The following KLHL30 variants were observed in gnomAD, a reference collection of about 807,000 sequenced individuals.
KLHL30 encodes the protein kelch like family member 30.
KLHL30 carries 55 observed loss-of-function variants against 55.0 expected under a neutral mutation model. The observed-to-expected ratio is 1.00, with a 90% CI of 0.80 to 1.25. The LOEUF is 1.25. Among genes scored for constraint, KLHL30 ranks in the 50% most tolerant of loss-of-function variants. The pLI is 0.00. For missense variants in KLHL30, 786 were observed against 811.6 expected (o/e 0.97, Z 0.38); for synonymous variants, 356 against 372.6 (o/e 0.96, Z 0.51).
At chr2:238,146,633 C>T (rs564179775) in intron 5 of KLHL30, among the ~76,000 whole-genome samples, 1 of 151,098 alleles carries the variant, frequency 6.6e-6, no homozygotes, top group African/African-American at 2.4e-5. Flanking sequence ...TCTCAAACTC[C>T]TGGGCTCAAG....
chr2:238,143,846 C>T (rs1010828691), intron 3 of KLHL30, among the ~76,000 whole-genome samples: 1 of 152,208 alleles, frequency 6.6e-6, no homozygotes, highest in East Asian at 1.9e-4. Context: ...GTGACAGAGC[C>T]ATGAGTCATG....
chr2:238,141,251 C>T lies in KLHL30; in HGVS notation c.497C>T (p.Ala166Val). The change falls in exon 2 of 8, where the codon GCA becomes GTA. Residue 166 changes from alanine to valine, a missense_variant. Coordinates refer to ENST00000409223, the MANE Select transcript of KLHL30 (RefSeq NM_198582.4). ...CTGCGAGAGAACTTTGAGGCTGTGG[C>T]ACGTGAGGACGAGTTCCTGCAGCTT... is the stretch of plus-strand genomic sequence containing the variant. Reference protein sequence around the residue: ...AFLRENFEAVAREDEFLQLPR... With the variant: ...AFLRENFEAVVREDEFLQLPR... The T allele has an allele frequency of 6.2e-7, 1 of 1,606,272 alleles. No individual in the cohort carries two copies.
chr2:238,139,416 G>T (rs1045135976), intron 1 of KLHL30, among the ~76,000 whole-genome samples: 7 of 152,340 alleles, frequency 4.6e-5, no homozygotes, highest in Admixed American at 1.3e-4. Flanking sequence ...TGCATGCAGT[G>T]TTGGGTGGGT....
intron 4 of KLHL30, among the ~76,000 whole-genome samples, chr2:238,145,453 C>T (rs967490923): frequency 4.6e-5 from 7 of 152,314 alleles, no homozygotes; most frequent in African/African-American, 1.2e-4. Context: ...TAAGCTTCTG[C>T]TGATGGGGGC....
chr2:238,140,168 C>T (rs1161404230), intron 1 of KLHL30, among the ~76,000 whole-genome samples: 1 of 152,250 alleles, frequency 6.6e-6, no homozygotes, highest in African/African-American at 2.4e-5. Context: ...ATTGCACCCA[C>T]CCTCCAGGAC....
At chr2:238,143,445 C>T (rs1047123632) in intron 3 of KLHL30, among the ~76,000 whole-genome samples, 6 of 152,258 alleles carry the variant, frequency 3.9e-5, no homozygotes, top group Non-Finnish European at 7.3e-5. Flanking sequence ...TCAGCTTCCT[C>T]ATCTGTGAAA....
At chr2:238,142,668 C>A in intron 2 of KLHL30, 131 bp from the exon 3 acceptor site, 2 of 900,590 alleles carry the variant, frequency 2.2e-6, no homozygotes, top group Non-Finnish European at 3.0e-6. Context: ...CTTGTGCACT[C>A]GGGCACACGC....
chr2:238,148,574 G>A (rs892367364), intron 6 of KLHL30, among the ~76,000 whole-genome samples: 3 of 152,048 alleles, frequency 2.0e-5, no homozygotes, highest in South Asian at 2.1e-4. Context: ...GCGTGGATGT[G>A]AGGACCCTTC....
intron 7 of KLHL30, among the ~76,000 whole-genome samples, chr2:238,149,412 G>T (rs1692711425): frequency 6.6e-6 from 1 of 152,142 alleles, no homozygotes; most frequent in Non-Finnish European, 1.5e-5. Context: ...TGCAGGCTGG[G>T]GTGCCCACAG....
At position 238,145,067 on chromosome 2, in the gene KLHL30, G is replaced by A; in HGVS notation, c.994+79G>A. The stretch of plus-strand genomic sequence containing the variant: ...TCAGTGCAACTCCCCGCACTCCGTG[G>A]GGTCCCTGAGGGTTAGTCAAGGCTT... On this transcript the variant is annotated intron_variant, in intron 4 of 7. Coordinates refer to ENST00000409223, the MANE Select transcript of KLHL30 (RefSeq NM_198582.4). 5.4e-6 allele frequency: 6 copies of A among 1,117,438 alleles called. No homozygotes were observed. In the South Asian group the frequency reaches 6.6e-5, roughly 12 times the overall value. The allele number at this position is 1,117,438 out of a possible 1,614,324, so 69.2% of individuals were successfully genotyped here.
chr2:238,142,961 C>G, intron 3 of KLHL30, 30 bp downstream of exon 3: 2 of 1,499,752 alleles, frequency 1.3e-6, no homozygotes, highest in Non-Finnish European at 1.8e-6. Flanking sequence ...CCAGACCCAC[C>G]TGCTGTCTCT....
Position 238,147,804 on chromosome 2 carries a change from C to T in KLHL30, c.1151-30C>T, listed in dbSNP as rs1435250305. 1.4e-6 allele frequency: 2 copies of T among 1,402,514 alleles called. No individual in the cohort carries two copies. Among genetic ancestry groups the T allele is most frequent in the Non-Finnish European group, 1.9e-6 (2 of 1,064,468 alleles). The allele number at this position is 1,402,514 out of a possible 1,614,324, so 86.9% of individuals were successfully genotyped here. On this transcript the variant is annotated intron_variant, in intron 5 of 7. Transcript: ENST00000409223. The surrounding 1 kb of genome is among the most constrained non-coding windows in gnomAD (Gnocchi z 5.8). The stretch of plus-strand genomic sequence containing the variant: ...TCCAGGCCTCCCCTCTCCTCCCCAG[C>T]CCTGAACTGCCCCCGCCCTCACCCC...
chr2:238,139,474 G>C (rs1692491116), intron 1 of KLHL30, among the ~76,000 whole-genome samples: 1 of 152,198 alleles, frequency 6.6e-6, no homozygotes, highest in African/African-American at 2.4e-5. Context: ...CCGGCCACGT[G>C]AGCTGCCCTG....
chr2:238,144,422 G>GGCAGGAAGGAAT (rs1692604805), intron 3 of KLHL30, among the ~76,000 whole-genome samples: 1 of 106,042 alleles, frequency 9.4e-6, no homozygotes, highest in Non-Finnish European at 2.0e-5. Context: ...AAGGAAGGAA[G>GGCAGGAAGGAAT]GAAGGAAGGA....
In KLHL30 at chr2:238,151,906, GGC is replaced by G. The variant is rs1397069927; in HGVS notation, c.*842_*843del. 1.0e-6 allele frequency: 1 copy of G among 985,390 alleles called. No individual in the cohort carries two copies. The allele number at this position is 985,390 out of a possible 1,614,324, so 61.0% of individuals were successfully genotyped here. A position where few individuals can be genotyped will look rare whatever the true frequency, so the allele number is the denominator to read the frequency against. The stretch of plus-strand genomic sequence containing the variant: ...GGGGACGACTCTTGGGTGCATTGGT[GGC>G]AGCCTCCTGAGGGTGAGGGGTAGCA... On this transcript the variant is annotated 3_prime_UTR_variant, in exon 8 of 8. Transcript: ENST00000409223.
rs952228759 is a variant in KLHL30, at chr2:238,147,129, C to T, written c.1151-705C>T. On this transcript the variant is annotated intron_variant, in intron 5 of 7. Transcript: ENST00000409223. This position sits in a 1 kb window ranked among gnomAD's most constrained non-coding sequence, Gnocchi z 5.8. ...ACCACTGCACTTCAGCCTGGGTGAC[C>T]GAGCAAGACCCTGTCTCAAAAAAAA... Among the ~76,000 whole-genome samples the T allele has an allele frequency of 8.1e-5, 12 of 147,544 alleles. No homozygotes were observed. The highest frequency in any genetic ancestry group is 1.3e-4 in the African/African-American group (5 of 39,768).
intron 1 of KLHL30, among the ~76,000 whole-genome samples, chr2:238,139,515 T>C (rs1396231029): frequency 6.6e-6 from 1 of 152,082 alleles, no homozygotes; most frequent in African/African-American, 2.4e-5. Context: ...CGCGAGGCCC[T>C]GTGGGCTCCC....
chr2:238,152,111 A>G lies in KLHL30; in HGVS notation c.*1046A>G, dbSNP rs541940014. 5 of 985,482 alleles carry G rather than the reference A, an allele frequency of 5.1e-6. No individual in the cohort carries two copies. In the South Asian group the frequency reaches 1.9e-4, roughly 37 times the overall value. 61.0% of individuals were successfully genotyped at this position (985,482 alleles called of 1,614,324 possible). A position where few individuals can be genotyped will look rare whatever the true frequency, so the allele number is the denominator to read the frequency against. On this transcript the variant is annotated 3_prime_UTR_variant, in exon 8 of 8. Transcript: ENST00000409223. ...AGGCTCCGCCCTGGGACATGGGGCT[A>G]GAAGTCAGGAGTCGGGCCCGGCCAG...
chr2:238,149,068 T>A lies in KLHL30; in HGVS notation c.1401T>A (p.Ala467=). ...LPKYLSSPRC[A]ALHGELYLIG... is the part of the protein sequence containing the mutation. ...AGTACCTGTCCTCGCCTCGCTGTGC[T>A]GCACTGCACGGGGAGCTCTACCTCA... The change falls in exon 7 of 8, where the codon GCT becomes GCA. Residue 467 remains alanine (A), a synonymous_variant. Transcript: ENST00000409223. The A allele has an allele frequency of 1.2e-6, 2 of 1,613,318 alleles. No homozygotes were observed. The highest frequency in any genetic ancestry group is 1.7e-6 in the Non-Finnish European group (2 of 1,179,844).
Sources: gnomAD v4.1 joint callset for allele counts (sites outside exome capture counted in the v4.1 genomes callset) on GRCh38, gnomAD v4.1.1 for gene constraint, Gnocchi (gnomAD v3.1) non-coding constraint, MANE v1.5 for transcripts, NCBI Gene and HGNC (gene_info 2026-07-23, HGNC 2026-07-21) for gene names.